Variants in SVEP1 observed in about 807,000 individuals in gnomAD.
The protein encoded by SVEP1 is sushi, von Willebrand factor type A, EGF and pentraxin domain containing 1, also known as sushi, von Willebrand factor type A, EGF and pentraxin domain-containing protein 1.
Under a neutral mutation model 367.3 loss-of-function variants are expected in SVEP1, and 164 were observed. The observed-to-expected ratio is 0.45, with a 90% CI of 0.39 to 0.51. The LOEUF (loss-of-function observed/expected upper bound fraction) is 0.51, where lower values mean the gene tolerates loss of function less well. SVEP1 is among the 20% of genes least tolerant of loss of function. SVEP1 has a pLI of 0.00. For missense variants in SVEP1, 4,117 were observed against 4,425.3 expected (o/e 0.93, Z 1.98); for synonymous variants, 1,666 against 1,611.6 (o/e 1.03, Z -0.81).
chr9:110,451,413 TC>T lies in SVEP1; in HGVS notation c.3788-12del, dbSNP rs1335130566. ...CTTCACACCGCTGACCTGCAAAGAA[TC>T]ATTCATCTTTGAGCTGGAGAAAACT... On this transcript the variant is annotated splice_polypyrimidine_tract_variant and intron_variant, in intron 22 of 47. Coordinates refer to ENST00000374469, the MANE Select transcript of SVEP1 (RefSeq NM_153366.4). 6.2e-7 allele frequency: 1 copy of T among 1,603,756 alleles called. No homozygotes were observed. Among genetic ancestry groups the T allele is most frequent in the Non-Finnish European group, 8.5e-7 (1 of 1,172,234 alleles).
chr9:110,553,723 G>T (rs1373474415), intron 1 of SVEP1, among the ~76,000 whole-genome samples: 2 of 152,082 alleles, frequency 1.3e-5, no homozygotes, highest in Non-Finnish European at 2.9e-5. Context: ...GTATTTTTGT[G>T]TATTTTTTAA....
chr9:110,497,010 T>A, intron 7 of SVEP1, 77 bp from the exon 8 acceptor site: 1 of 924,044 alleles, frequency 1.1e-6, no homozygotes, highest in Non-Finnish European at 1.6e-6. Flanking sequence ...GGTACAAATC[T>A]AGTTATATTA....
At chr9:110,390,844 A>G (rs1268060342) in intron 40 of SVEP1, among the ~76,000 whole-genome samples, 1 of 152,138 alleles carries the variant, frequency 6.6e-6, no homozygotes, top group Non-Finnish European at 1.5e-5. Context: ...CATATGAGAA[A>G]TACCAACAGT....
intron 26 of SVEP1, among the ~76,000 whole-genome samples, chr9:110,444,838 T>C (rs528093585): frequency 5.3e-5 from 8 of 152,336 alleles, no homozygotes; most frequent in African/African-American, 1.9e-4. Flanking sequence ...ACAGATTCTC[T>C]CTTTATATAT....
intron 3 of SVEP1, among the ~76,000 whole-genome samples, chr9:110,538,213 A>T (rs1830103283): frequency 6.6e-6 from 1 of 151,996 alleles, no homozygotes; most frequent in South Asian, 2.1e-4. Context: ...AATGGAACAA[A>T]CTAGCCTGAT....
In SVEP1 at chr9:110,491,288, A is replaced by G. The variant is rs556585136; in HGVS notation, c.1801-1509T>C. Among the ~76,000 whole-genome samples, 6 of 152,092 alleles carry G rather than the reference A, an allele frequency of 3.9e-5. No individual in the cohort carries two copies. In the South Asian group the frequency reaches 1.2e-3, roughly 31 times the overall value. The stretch of plus-strand genomic sequence containing the variant: ...AGAATCACTTTTCATGCTCAAAAAT[A>G]TATTAACAGTACTTTTGAAATACAT... On this transcript the variant is annotated intron_variant, in intron 8 of 47. Transcript: ENST00000374469.
chr9:110,473,106 T>C (rs2118675997), intron 14 of SVEP1, among the ~76,000 whole-genome samples: 1 of 150,054 alleles, frequency 6.7e-6, no homozygotes, highest in East Asian at 1.9e-4. Context: ...TAAAACTATA[T>C]GAATATTATT....
rs1289708131 is a variant in SVEP1 at position 110,436,393 on chromosome 9, A to G, written c.4751T>C (p.Leu1584Pro). Residue 1584 changes from leucine to proline, a missense_variant, in exon 28 of 48, where the codon CTG becomes CCG. By Grantham distance (98) the Leu-to-Pro change is moderately conservative. Around this residue, in one of 4 missense-constraint regions of SVEP1, gnomAD observed 2,174 missense variants for 2,494.3 expected, o/e 0.87. Coordinates refer to ENST00000374469, the MANE Select transcript of SVEP1 (RefSeq NM_153366.4). ...ISQLNLWDYV[L>P]SPQQVKSLAT... The stretch of plus-strand genomic sequence containing the variant: ...AATGGAATTGACCTGCTGTGGAGAC[A>G]GGACATAGTCCCAGAGGTTGAGCTG... The G allele has an allele frequency of 6.2e-7, 1 of 1,613,868 alleles. No individual in the cohort carries two copies. The highest frequency in any genetic ancestry group is 8.5e-7 in the Non-Finnish European group (1 of 1,179,862).
intron 40 of SVEP1, among the ~76,000 whole-genome samples, 197 bp from the exon 41 acceptor site, chr9:110,389,784 C>T (rs1168715135): frequency 6.6e-6 from 1 of 152,126 alleles, no homozygotes; most frequent in Non-Finnish European, 1.5e-5. Flanking sequence ...AAAATTCACA[C>T]TCTGGCAGAC....
chr9:110,436,674 T>C (rs986428519), intron 27 of SVEP1, among the ~76,000 whole-genome samples, 170 bp from the exon 28 acceptor site: 5 of 152,356 alleles, frequency 3.3e-5, no homozygotes, highest in Admixed American at 3.3e-4. Flanking sequence ...ACAAATTCAA[T>C]GTTTTATATA....
chr9:110,574,782 G>T (rs1451492254), intron 1 of SVEP1, among the ~76,000 whole-genome samples: 2 of 115,386 alleles, frequency 1.7e-5, no homozygotes, highest in Admixed American at 1.3e-4. Flanking sequence ...GTCTCACTCT[G>T]TCACCCAGGC....
intron 9 of SVEP1, 91 bp downstream of exon 9, chr9:110,489,559 C>G (rs1229462967): frequency 1.0e-4 from 134 of 1,283,444 alleles, no homozygotes; most frequent in Non-Finnish European, 1.4e-4. Context: ...AATTACCTCC[C>G]ACTGGGTCCT....
Position 110,407,385 on chromosome 9 carries a change from C to T in SVEP1, c.8215G>A (p.Val2739Met), listed in dbSNP as rs901615483. The T allele has an allele frequency of 1.2e-6, 2 of 1,614,020 alleles. No individual in the cohort carries two copies. The highest frequency in any genetic ancestry group is 1.7e-6 in the Non-Finnish European group (2 of 1,179,894). ...TGTCCAGGTTTACAGCTATACTGCACAGCACTTCCCATGCTAGTCTCTGTA... is the reference window on the plus strand; with the variant it reads ...TGTCCAGGTTTACAGCTATACTGCATAGCACTTCCCATGCTAGTCTCTGTA... ...RFTETSMGSA[V>M]QYSCKPGHIL... Residue 2739 changes from valine (V) to methionine (M), a missense_variant, in exon 38 of 48, where the codon GTG becomes ATG. Around this residue, in one of 4 missense-constraint regions of SVEP1, gnomAD observed 1,765 missense variants for 1,781.1 expected, o/e 0.99. Transcript: ENST00000374469.
chr9:110,533,145 C>T lies in SVEP1; in HGVS notation c.964+12970G>A, dbSNP rs185059320. Among the ~76,000 whole-genome samples, 48 of 152,256 alleles carry T rather than the reference C, an allele frequency of 3.2e-4. No homozygotes were observed. The East Asian group carries it at 8.7e-3, about 28-fold the overall frequency. ...GGCGGTAAGGCTTGCTCACCTGCCG[C>T]TCACCTCCTGCTATGCAGCCCTGTT... On this transcript the variant is annotated intron_variant, in intron 3 of 47. Transcript: ENST00000374469.
In SVEP1 at chr9:110,450,023, T is replaced by TA. The variant is rs1417765629; in HGVS notation, c.4103+35dup. 1.9e-6 allele frequency: 3 copies of TA among 1,607,388 alleles called. No homozygotes were observed. The African/African-American group carries it at 4.0e-5, about 22-fold the overall frequency. ...CAGAATCACTGAATAGTTTAAAAAA[T>TA]AAAAACAGTGAAAAGAATCAGACTT... is the stretch of plus-strand genomic sequence containing the variant. On this transcript the variant is annotated intron_variant, in intron 24 of 47. Coordinates refer to ENST00000374469, the MANE Select transcript of SVEP1 (RefSeq NM_153366.4).
chr9:110,442,975 G>C (rs955374919), intron 27 of SVEP1: 1 of 152,006 alleles, frequency 6.6e-6, no homozygotes, highest in African/African-American at 2.4e-5. Context: ...TGAAACAAAT[G>C]AGCAAAGTAA....
At chr9:110,482,791 G>A (rs1829213318) in intron 10 of SVEP1, among the ~76,000 whole-genome samples, 1 of 152,206 alleles carries the variant, frequency 6.6e-6, no homozygotes, top group Non-Finnish European at 1.5e-5. Flanking sequence ...GCCTCTCAAA[G>A]TGCTGAGATT....
chr9:110,491,612 T>G (rs1305185401), intron 8 of SVEP1, among the ~76,000 whole-genome samples: 2 of 151,710 alleles, frequency 1.3e-5, no homozygotes, highest in African/African-American at 4.8e-5. Context: ...TGTGTGTGTG[T>G]GTGTGCAAAT....
At chr9:110,424,531 G>A (rs907269150) in intron 36 of SVEP1, among the ~76,000 whole-genome samples, 1 of 152,046 alleles carries the variant, frequency 6.6e-6, no homozygotes, top group African/African-American at 2.4e-5. Flanking sequence ...TGATGAGAAT[G>A]GCTTCTAATT....
Sources: allele counts gnomAD v4.1 joint callset (sites outside exome capture counted in the v4.1 genomes callset), GRCh38; gene constraint gnomAD v4.1.1; regional missense constraint gnomAD v4.1.1; transcripts MANE v1.5; gene names NCBI Gene and HGNC (gene_info 2026-07-23, HGNC 2026-07-21).